TMCC1: variants seen among roughly 807,000 people sequenced by gnomAD.
TMCC1 encodes the protein transmembrane and coiled-coil domains protein 1.
Under a neutral mutation model 52.4 loss-of-function variants are expected in TMCC1, and 15 were observed. The ratio of observed to expected loss-of-function variants is 0.29; its 90% CI spans 0.19 to 0.44. TMCC1 has a LOEUF of 0.44. TMCC1 is among the 20% of genes least tolerant of loss of function. The probability of loss-of-function intolerance (pLI) is 1.00; values close to 1 mark genes in which losing one functional copy is unlikely to be tolerated. For missense variants in TMCC1, 503 were observed against 806.0 expected (o/e 0.62, Z 4.55); for synonymous variants, 279 against 301.9 (o/e 0.92, Z 0.79).
intron 4 of TMCC1, among the ~76,000 whole-genome samples, chr3:129,788,876 T>G (rs2056243334): frequency 6.6e-6 from 1 of 152,152 alleles, no homozygotes; most frequent in African/African-American, 2.4e-5. Context: ...ATTTGAGTAT[T>G]CAAGTTCTAG....
chr3:129,802,173 G>A (rs781300488), intron 4 of TMCC1, among the ~76,000 whole-genome samples: 12 of 152,134 alleles, frequency 7.9e-5, no homozygotes, highest in Non-Finnish European at 1.0e-4. Flanking sequence ...TCCAACATAA[G>A]ATTGCATAAA....
At chr3:129,839,392 C>T (rs1383194994) in intron 2 of TMCC1, among the ~76,000 whole-genome samples, 2 of 151,952 alleles carry the variant, frequency 1.3e-5, no homozygotes, top group African/African-American at 2.4e-5. Context: ...CCACTAAAAA[C>T]CTTTTTAAAG....
At chr3:129,678,607 G>A (rs977882964) in intron 4 of TMCC1, among the ~76,000 whole-genome samples, 11 of 151,168 alleles carry the variant, frequency 7.3e-5, no homozygotes, top group African/African-American at 2.4e-4. Flanking sequence ...TGATCCACCC[G>A]CCTCAGCCTC....
intron 2 of TMCC1, among the ~76,000 whole-genome samples, chr3:129,839,314 A>AT (rs1474884183): frequency 6.6e-6 from 1 of 152,226 alleles, no homozygotes; most frequent in Admixed American, 6.5e-5. Context: ...CTTTAACTAA[A>AT]TGCGAAGTGG....
At chr3:129,782,254 G>C (rs565614233) in intron 4 of TMCC1, among the ~76,000 whole-genome samples, 88 of 152,130 alleles carry the variant, frequency 5.8e-4, no homozygotes, top group Non-Finnish European at 9.4e-4. Context: ...CAAGAAAGCC[G>C]TAAATTGAAC....
chr3:129,818,400 C>T (rs1480425901), intron 4 of TMCC1, among the ~76,000 whole-genome samples: 3 of 150,706 alleles, frequency 2.0e-5, no homozygotes, highest in South Asian at 2.1e-4. Context: ...TTAAAAGTTT[C>T]TAAGAAACTT....
chr3:129,716,155 CT>C (rs1375438391), intron 4 of TMCC1, among the ~76,000 whole-genome samples: 1 of 55,336 alleles, frequency 1.8e-5, no homozygotes. Context: ...CACTTTTTTT[CT>C]TTTTTCTTTG....
intron 5 of TMCC1, among the ~76,000 whole-genome samples, chr3:129,659,178 C>A (rs1364063681): frequency 6.7e-6 from 1 of 150,180 alleles, no homozygotes; most frequent in African/African-American, 2.5e-5. Context: ...TGGCTCACTG[C>A]AGCCTCAAAT....
At chr3:129,861,638 T>C (rs971250561) in intron 2 of TMCC1, among the ~76,000 whole-genome samples, 5 of 152,162 alleles carry the variant, frequency 3.3e-5, no homozygotes, top group Admixed American at 6.6e-5. Flanking sequence ...ACCTTGTTAG[T>C]CATTAAGGAA....
chr3:129,655,254 T>C (rs2086595964), intron 5 of TMCC1, 151 bp from the exon 6 acceptor site: 2 of 917,030 alleles, frequency 2.2e-6, no homozygotes, highest in South Asian at 1.8e-5. Flanking sequence ...CCAGTGGGTA[T>C]AGCTCTTAGT....
chr3:129,666,474 C>T (rs999433243), intron 5 of TMCC1, among the ~76,000 whole-genome samples: 6 of 151,524 alleles, frequency 4.0e-5, no homozygotes, highest in Non-Finnish European at 7.4e-5. Flanking sequence ...CATGGTGGCT[C>T]ATGTCTGTAA....
chr3:129,846,760 G>A (rs1249298222), intron 2 of TMCC1, among the ~76,000 whole-genome samples: 4 of 151,248 alleles, frequency 2.6e-5, no homozygotes, highest in Non-Finnish European at 5.9e-5. Context: ...CAGGCATAGT[G>A]GCTCAAGCCC....
chr3:129,808,084 C>A (rs1295752143), intron 4 of TMCC1, among the ~76,000 whole-genome samples: 1 of 102,094 alleles, frequency 9.8e-6, no homozygotes, highest in African/African-American at 4.1e-5. Flanking sequence ...TTGGGAGGAT[C>A]GCTTGAAACT....
At chr3:129,837,714 AACT>A (rs2059228968) in intron 2 of TMCC1, among the ~76,000 whole-genome samples, 1 of 152,234 alleles carries the variant, frequency 6.6e-6, no homozygotes, top group South Asian at 2.1e-4. Context: ...TAAATTTTGG[AACT>A]ACAAGACAGT....
chr3:129,814,567 T>C (rs1023388144), intron 4 of TMCC1, among the ~76,000 whole-genome samples: 1 of 152,244 alleles, frequency 6.6e-6, no homozygotes, highest in East Asian at 1.9e-4. Context: ...TAACACTGAA[T>C]GTAAATGGAC....
At chr3:129,774,080 A>G (rs940883321) in intron 4 of TMCC1, among the ~76,000 whole-genome samples, 3 of 152,234 alleles carry the variant, frequency 2.0e-5, no homozygotes, top group Non-Finnish European at 4.4e-5. Flanking sequence ...AATGGTCTCT[A>G]AATATTATTT....
At chr3:129,715,410 A>C (rs2049005341) in intron 4 of TMCC1, among the ~76,000 whole-genome samples, 1 of 152,102 alleles carries the variant, frequency 6.6e-6, no homozygotes, top group African/African-American at 2.4e-5. Context: ...TACAAAAAAC[A>C]CTGGCTGGGT....
At chr3:129,682,554 C>T (rs942997837) in intron 4 of TMCC1, among the ~76,000 whole-genome samples, 1 of 152,114 alleles carries the variant, frequency 6.6e-6, no homozygotes, top group African/African-American at 2.4e-5. Flanking sequence ...TATAGCAGTT[C>T]TGTAGATTTA....
intron 1 of TMCC1, among the ~76,000 whole-genome samples, chr3:129,890,008 G>C (rs1255649515): frequency 6.6e-6 from 1 of 151,994 alleles, no homozygotes; most frequent in Non-Finnish European, 1.5e-5. Context: ...AAAATGGCTG[G>C]GGCATGGTGG....
Sources: gnomAD v4.1 joint callset for allele counts (sites outside exome capture counted in the v4.1 genomes callset) on GRCh38, gnomAD v4.1.1 for gene constraint, MANE v1.5 for transcripts, NCBI Gene and HGNC (gene_info 2026-07-23, HGNC 2026-07-21) for gene names.